The following TEX22 variants were observed in gnomAD, a reference collection of about 807,000 sequenced individuals.
TEX22 encodes testis-expressed protein 22.
A neutral mutation model predicts 11.3 loss-of-function variants in TEX22; 16 were observed. The ratio of observed to expected loss-of-function variants is 1.42; its 90% confidence interval spans 0.96 to 2.15. TEX22 has a LOEUF of 2.15. TEX22 is among the 30% of genes most tolerant of loss of function. TEX22 has a pLI of 0.00. For missense variants in TEX22, 220 were observed against 208.6 expected (o/e 1.05, Z -0.34); for synonymous variants, 97 against 92.3 (o/e 1.05, Z -0.29).
At chr14:105,406,737 G>A (rs1298818462) in intron 2 of TEX22, among the ~76,000 whole-genome samples, 3 of 151,696 alleles carry the variant, frequency 2.0e-5, no homozygotes, top group African/African-American at 7.3e-5. Flanking sequence ...TTATAAAGGT[G>A]GATCTATGTG....
chr14:105,399,360 C>A lies in TEX22; in HGVS notation c.20C>A (p.Ser7Tyr), dbSNP rs1311253989. Reference protein sequence around the residue: MDSRKLSPRGKKLESHL... With the variant: MDSRKLYPRGKKLESHL... ...CTAGAGATGGACAGCAGGAAACTGT[C>A]CCCCCGGGGGAAGAAGCTGGAGTCG... is the stretch of plus-strand genomic sequence containing the variant. The change falls in exon 2 of 4, where the codon TCC (serine) becomes TAC (tyrosine). Residue 7 changes from serine to tyrosine, a missense_variant. Ser to Tyr is a moderately radical substitution (Grantham distance 144). Coordinates refer to ENST00000451127, the MANE Select transcript of TEX22 (RefSeq NM_001195082.2). 2 of 1,532,618 alleles carry A rather than the reference C, an allele frequency of 1.3e-6. No individual in the cohort carries two copies. Among genetic ancestry groups the A allele is most frequent in the African/African-American group, 1.4e-5 (1 of 72,870 alleles). 94.9% of individuals were successfully genotyped at this position (1,532,618 alleles called of 1,614,324 possible).
At chr14:105,406,343 A>T (rs1054698954) in intron 2 of TEX22, among the ~76,000 whole-genome samples, 1 of 152,256 alleles carries the variant, frequency 6.6e-6, no homozygotes, top group African/African-American at 2.4e-5. Flanking sequence ...TAATATTTAT[A>T]ACATTCAAAT....
At chr14:105,405,289 CAAAAA>C (rs201375056) in intron 2 of TEX22, among the ~76,000 whole-genome samples, 1 of 136,350 alleles carries the variant, frequency 7.3e-6, no homozygotes, top group Admixed American at 7.4e-5. Flanking sequence ...GACCTTGACT[CAAAAA>C]AAAAAAAAGA....
intron 2 of TEX22, among the ~76,000 whole-genome samples, chr14:105,402,670 G>A (rs1286813683): frequency 8.6e-5 from 13 of 151,748 alleles, no homozygotes; most frequent in East Asian, 3.9e-4. Flanking sequence ...GCAGGAGAAT[G>A]GCGTGAACCC....
rs2141353002 is a variant in TEX22 at position 105,399,329 on chromosome 14, C to T, written c.-12C>T. ...CTCAGAGGTGTGGACAAGCAGCCTA[C>T]TAGGGCTAGAGATGGACAGCAGGAA... is the stretch of plus-strand genomic sequence containing the variant. On this transcript the variant is annotated 5_prime_UTR_variant, in exon 2 of 4. Coordinates refer to ENST00000451127, the MANE Select transcript of TEX22 (RefSeq NM_001195082.2). The T allele has an allele frequency of 2.6e-6, 4 of 1,523,132 alleles. No homozygotes were observed. The highest frequency in any genetic ancestry group is 2.5e-5 in the East Asian group (1 of 40,206). The allele number at this position is 1,523,132 out of a possible 1,614,324, so 94.4% of individuals were successfully genotyped here. A position where few individuals can be genotyped will look rare whatever the true frequency, so the allele number is the denominator to read the frequency against.
chr14:105,404,835 A>AT (rs1329148749), intron 2 of TEX22, among the ~76,000 whole-genome samples: 1 of 152,236 alleles, frequency 6.6e-6, no homozygotes, highest in Non-Finnish European at 1.5e-5. Context: ...GAAAGGTCTG[A>AT]AATGGATAAA....
At chr14:105,411,520 C>CCCCCCCGGGGG in intron 3 of TEX22, 24 bp downstream of exon 3, 2 of 1,119,860 alleles carry the variant, frequency 1.8e-6, no homozygotes, top group Non-Finnish European at 1.1e-6. Context: ...GGGTCCTCCC[C>CCCCCCCGGGGG]GCCCCGTCCC....
chr14:105,401,403 TAAA>T (rs1347500645), intron 2 of TEX22, among the ~76,000 whole-genome samples: 1 of 151,576 alleles, frequency 6.6e-6, no homozygotes, highest in African/African-American at 2.4e-5. Flanking sequence ...GTCGCAGCCA[TAAA>T]AAAGGATGAG....
intron 2 of TEX22, 94 bp from the exon 3 acceptor site, chr14:105,411,274 G>A (rs1488474475): frequency 5.0e-6 from 6 of 1,199,826 alleles, no homozygotes; most frequent in Non-Finnish European, 6.2e-6. Flanking sequence ...GAAAGCGCCC[G>A]GGGGCGAGCT....
At chr14:105,408,174 G>A (rs951895408) in intron 2 of TEX22, among the ~76,000 whole-genome samples, 6 of 151,846 alleles carry the variant, frequency 4.0e-5, no homozygotes, top group African/African-American at 9.7e-5. Context: ...CCTTGCAGAC[G>A]TCCCACCGCA....
intron 2 of TEX22, among the ~76,000 whole-genome samples, chr14:105,400,802 G>A (rs189820464): frequency 1.4e-4 from 21 of 152,192 alleles, no homozygotes; most frequent in African/African-American, 2.2e-4. Flanking sequence ...CTCTGCTGAC[G>A]GGCAGGTTTT....
chr14:105,408,791 A>G (rs2081672528), intron 2 of TEX22, among the ~76,000 whole-genome samples: 1 of 151,892 alleles, frequency 6.6e-6, no homozygotes, highest in Admixed American at 6.5e-5. Flanking sequence ...CGAAGGGTGT[A>G]GCGCCCCTTC....
rs1333588970 is a variant in TEX22 at position 105,411,788 on chromosome 14, C to T, written c.408C>T (p.Phe136=). 1.3e-6 allele frequency: 2 copies of T among 1,488,302 alleles called. No individual in the cohort carries two copies. The highest frequency in any genetic ancestry group is 1.8e-6 in the Non-Finnish European group (2 of 1,121,126). 92.2% of individuals were successfully genotyped at this position (1,488,302 alleles called of 1,614,324 possible). A position where few individuals can be genotyped will look rare whatever the true frequency, so the allele number is the denominator to read the frequency against. ...CCTTCCTGGCGCGCAGTGCGCCTTTCTGGCATAATGCGACTTTCGAGGCCT... is the reference window on the plus strand; with the variant it reads ...CCTTCCTGGCGCGCAGTGCGCCTTTTTGGCATAATGCGACTTTCGAGGCCT... ...FQAFLARSAP[F]WHNATFEASR... is the part of the protein sequence containing the mutation. The change falls in exon 4 of 4, where the codon TTC becomes TTT. Residue 136 remains phenylalanine (F), a synonymous_variant. Coordinates refer to ENST00000451127, the MANE Select transcript of TEX22 (RefSeq NM_001195082.2).
chr14:105,411,051 C>T (rs1272186357), intron 2 of TEX22, among the ~76,000 whole-genome samples: 1 of 152,268 alleles, frequency 6.6e-6, no homozygotes, highest in East Asian at 1.9e-4. Flanking sequence ...AGTGCTCGAG[C>T]TCCGGGGGTT....
chr14:105,408,334 G>A (rs1224328166), intron 2 of TEX22, among the ~76,000 whole-genome samples: 2 of 148,758 alleles, frequency 1.3e-5, no homozygotes, highest in African/African-American at 2.5e-5. Flanking sequence ...CTCCGCCTCC[G>A]GGGTTCAAGT....
intron 1 of TEX22, 123 bp downstream of exon 1, chr14:105,398,758 T>G (rs1359830737): frequency 6.6e-6 from 1 of 151,696 alleles, no homozygotes; most frequent in South Asian, 2.0e-4. Flanking sequence ...GTCCTGAGCC[T>G]TCTTCCCCCG....
chr14:105,406,241 A>C (rs142243110), intron 2 of TEX22, among the ~76,000 whole-genome samples: 1 of 152,234 alleles, frequency 6.6e-6, no homozygotes, highest in Non-Finnish European at 1.5e-5. Context: ...CTTGAAGGAA[A>C]AGCCTGACAA....
intron 2 of TEX22, among the ~76,000 whole-genome samples, chr14:105,408,879 C>T (rs1248720768): frequency 6.6e-6 from 1 of 152,170 alleles, no homozygotes; most frequent in African/African-American, 2.4e-5. Context: ...CATGTGGCAT[C>T]GTGACCGTGG....
intron 2 of TEX22, among the ~76,000 whole-genome samples, chr14:105,408,968 G>GCTC (rs1376962885): frequency 1.3e-4 from 14 of 111,318 alleles, no homozygotes; most frequent in Admixed American, 6.3e-4. Context: ...CCCTCCTCCT[G>GCTC]CTCCTCCTCC....
Sources: gnomAD v4.1 joint callset for allele counts (sites outside exome capture counted in the v4.1 genomes callset) on GRCh38, gnomAD v4.1.1 for gene constraint, MANE v1.5 for transcripts, NCBI Gene and HGNC (gene_info 2026-07-23, HGNC 2026-07-21) for gene names.